The following CEP104 variants were observed in gnomAD, a reference collection of about 807,000 sequenced individuals.
CEP104 encodes the protein centrosomal protein 104.
In CEP104, 84 loss-of-function variants were observed where a neutral mutation model predicts 113.3. The observed-to-expected ratio is 0.74, with a 90% CI of 0.62 to 0.89. The LOEUF (loss-of-function observed/expected upper bound fraction) is 0.89, where lower values mean the gene tolerates loss of function less well. Among genes scored for constraint, CEP104 ranks in the 40% least tolerant of loss-of-function variants. CEP104 has a pLI of 0.00. For synonymous variants in CEP104, 378 were observed against 421.7 expected (o/e 0.90, Z 1.27); for missense variants, 1,053 against 1,156.6 (o/e 0.91, Z 1.30).
chr1:3,842,437 C>T (rs1449022684), intron 6 of CEP104, among the ~76,000 whole-genome samples: 1 of 152,204 alleles, frequency 6.6e-6, no homozygotes, highest in Non-Finnish European at 1.5e-5. Flanking sequence ...GAGCACTCCA[C>T]ACTCACAAGT....
intron 6 of CEP104, chr1:3,843,200 A>G (rs930984537): frequency 1.4e-6 from 1 of 712,976 alleles, no homozygotes; most frequent in Non-Finnish European, 2.6e-6. Flanking sequence ...TGTCATCCAC[A>G]GCAGGCAGGT....
chr1:3,830,780 A>C (rs955228300), intron 13 of CEP104, among the ~76,000 whole-genome samples: 1 of 149,224 alleles, frequency 6.7e-6, no homozygotes, highest in African/African-American at 2.5e-5. Flanking sequence ...CCATCTCAAA[A>C]AAAAAAAAAA....
At chr1:3,854,011 G>A (rs148518229) in intron 1 of CEP104, among the ~76,000 whole-genome samples, 2 of 152,294 alleles carry the variant, frequency 1.3e-5, no homozygotes, top group African/African-American at 4.8e-5. Context: ...CCTGCACTCT[G>A]GGCAACCTAT....
In CEP104 at chr1:3,844,897, G is replaced by T. The variant is rs777337248; in HGVS notation, c.566+10C>A. 5 of 1,608,812 alleles carry T rather than the reference G, an allele frequency of 3.1e-6. No individual in the cohort carries two copies. The South Asian group carries it at 4.4e-5, about 14-fold the overall frequency. On this transcript the variant is annotated intron_variant, in intron 6 of 21. Coordinates refer to ENST00000378230, the MANE Select transcript of CEP104 (RefSeq NM_014704.4). ...AAAAGAAGTTCATTGATGGGGAGCAGGACTCTTACCTGGCGTACGTTCCTT... is the reference window on the plus strand; with the variant it reads ...AAAAGAAGTTCATTGATGGGGAGCATGACTCTTACCTGGCGTACGTTCCTT...
chr1:3,828,027 G>A (rs1312969590), intron 15 of CEP104, among the ~76,000 whole-genome samples: 1 of 152,204 alleles, frequency 6.6e-6, no homozygotes, highest in African/African-American at 2.4e-5. Flanking sequence ...GGCGACCCCG[G>A]GACAGACAGT....
rs2124677793 is a variant in CEP104 at position 3,839,710 on chromosome 1, T to G, written c.633A>C (p.Ala211=). The change falls in exon 7 of 22, where the codon GCA becomes GCC. Residue 211 remains alanine (A), a synonymous_variant. Transcript: ENST00000378230. ...AFDMYQDPEV[A]QIIRKLDERK... is the part of the protein sequence containing the mutation. ...TTTCATCTAATTTTCGTATGATCTG[T>G]GCAACTTCTGGATCTTGGTACATAT... 1 of 1,614,120 alleles carries G rather than the reference T, an allele frequency of 6.2e-7. No individual in the cohort carries two copies. Among genetic ancestry groups the G allele is most frequent in the East Asian group, 2.2e-5 (1 of 44,884 alleles).
rs138757059 is a variant in CEP104, at chr1:3,839,642, T to C, written c.701A>G (p.Lys234Arg). 78 of 1,613,324 alleles carry C rather than the reference T, an allele frequency of 4.8e-5. 1 individual carries two copies. The East Asian group carries it at 1.6e-3, about 34-fold the overall frequency. Residue 234 changes from lysine to arginine, a missense_variant, in exon 7 of 22, where the codon AAG (lysine) becomes AGG (arginine). Coordinates refer to ENST00000378230, the MANE Select transcript of CEP104 (RefSeq NM_014704.4). ...ATCAGCAATGGCTTGTTTTAGTTTCTTGGCATAATCATAGCGTTCCTTTTG... is the reference window on the plus strand; with the variant it reads ...ATCAGCAATGGCTTGTTTTAGTTTCCTGGCATAATCATAGCGTTCCTTTTG... ...AVQKERYDYAKKLKQAIADLQ... is the reference protein window; with the variant it reads ...AVQKERYDYARKLKQAIADLQ...
At chr1:3,829,419 T>C (rs1369372451) in intron 14 of CEP104, 46 bp from the exon 15 acceptor site, 2 of 1,408,036 alleles carry the variant, frequency 1.4e-6, no homozygotes, top group Non-Finnish European at 2.0e-6. Context: ...GTTAGGGTAA[T>C]CTTAGAAACT....
At chr1:3,838,808 G>A (rs1210875800) in intron 8 of CEP104, among the ~76,000 whole-genome samples, 156 bp downstream of exon 8, 1 of 152,194 alleles carries the variant, frequency 6.6e-6, no homozygotes, top group African/African-American at 2.4e-5. Flanking sequence ...CCTCCCTGAC[G>A]TAGGCACAGA....
At chr1:3,856,200 G>A (rs1370124552) in intron 1 of CEP104, among the ~76,000 whole-genome samples, 1 of 152,190 alleles carries the variant, frequency 6.6e-6, no homozygotes, top group Non-Finnish European at 1.5e-5. Flanking sequence ...CTTGAGGTCA[G>A]GAGTTCGAGA....
intron 12 of CEP104, among the ~76,000 whole-genome samples, chr1:3,831,785 A>C (rs945451067): frequency 4.6e-5 from 7 of 152,250 alleles, no homozygotes; most frequent in African/African-American, 1.7e-4. Flanking sequence ...AAGATGTTGA[A>C]TCATTAAGTT....
At chr1:3,838,652 G>T (rs1333591244) in intron 8 of CEP104, among the ~76,000 whole-genome samples, 1 of 152,184 alleles carries the variant, frequency 6.6e-6, no homozygotes, top group Non-Finnish European at 1.5e-5. Flanking sequence ...AGTGGGGCAG[G>T]GTCATCACTG....
Position 3,823,545 on chromosome 1 carries a change from A to G in CEP104, c.2382T>C (p.Ser794=). 1 of 1,614,226 alleles carries G rather than the reference A, an allele frequency of 6.2e-7. No homozygotes were observed. Among genetic ancestry groups the G allele is most frequent in the Non-Finnish European group, 8.5e-7 (1 of 1,180,042 alleles). Residue 794 remains serine, a synonymous_variant, in exon 19 of 22, where the codon AGT becomes AGC. Transcript: ENST00000378230. This position sits in a 1 kb window ranked among gnomAD's most constrained non-coding sequence, Gnocchi z 4.1. The stretch of plus-strand genomic sequence containing the variant: ...ATTCCGTCAGCAAGTGCTCCGTCAG[A>G]CTGGATATCTCGACCACCTGGATTT... ...DHCKQVVEIS[S]LTEHLLTECD...
chr1:3,827,869 G>A (rs1015622764), intron 15 of CEP104, among the ~76,000 whole-genome samples: 3 of 152,220 alleles, frequency 2.0e-5, no homozygotes, highest in Admixed American at 1.3e-4. Flanking sequence ...CCAGCTCCAT[G>A]AGGGTGGGAC....
chr1:3,834,859 C>T, intron 11 of CEP104, 66 bp downstream of exon 11: 1 of 1,453,726 alleles, frequency 6.9e-7, no homozygotes, highest in Non-Finnish European at 9.3e-7. Context: ...CTGCTCTGGT[C>T]TTCTGTGGTA....
chr1:3,837,395 G>C lies in CEP104; in HGVS notation c.1016C>G (p.Pro339Arg), dbSNP rs779998680. ...TGATGAAGGCTTTTCCTGAAGGAAAGGTTCTGCAAACTGGTTTTCTGTTCC... is the reference window on the plus strand; with the variant it reads ...TGATGAAGGCTTTTCCTGAAGGAAACGTTCTGCAAACTGGTTTTCTGTTCC... The part of the protein sequence containing the change: ...ERGTENQFAE[P>R]FLQEKPSSYS... Residue 339 changes from proline to arginine, a missense_variant, in exon 9 of 22, where the codon CCT becomes CGT. Coordinates refer to ENST00000378230, the MANE Select transcript of CEP104 (RefSeq NM_014704.4). 3 of 1,614,236 alleles carry C rather than the reference G, an allele frequency of 1.9e-6. No individual in the cohort carries two copies. Among genetic ancestry groups the C allele is most frequent in the Non-Finnish European group, 1.7e-6 (2 of 1,180,034 alleles).
At chr1:3,852,914 CT>C (rs1163105069) in intron 1 of CEP104, among the ~76,000 whole-genome samples, 1 of 152,204 alleles carries the variant, frequency 6.6e-6, no homozygotes, top group African/African-American at 2.4e-5. Context: ...CCAAGGACGG[CT>C]GAGGATGGCC....
In CEP104 at chr1:3,831,201, C is replaced by T; in HGVS notation, c.1681G>A (p.Val561Ile). Residue 561 changes from valine (V) to isoleucine (I), a missense_variant, in exon 13 of 22, where the codon GTT becomes ATT. Val to Ile is a conservative substitution (Grantham distance 29). Coordinates refer to ENST00000378230, the MANE Select transcript of CEP104 (RefSeq NM_014704.4). ...GATGGAATAATTTGGAGAGACTTAA[C>T]TTCTTTAAACAAGGCCATTTCCTAT... The part of the protein sequence containing the change: ...FIQEMALFKE[V>I]KSLQIIPSYL... 6.2e-7 allele frequency: 1 copy of T among 1,613,430 alleles called. No individual in the cohort carries two copies. Among genetic ancestry groups the T allele is most frequent in the East Asian group, 2.2e-5 (1 of 44,876 alleles).
chr1:3,852,268 C>T (rs1644625321), intron 2 of CEP104, 27 bp downstream of exon 2: 2 of 1,598,622 alleles, frequency 1.3e-6, no homozygotes, highest in African/African-American at 1.3e-5. Flanking sequence ...GCCTCCCAGC[C>T]CAAGCCCCGC....
Sources: allele counts gnomAD v4.1 joint callset (sites outside exome capture counted in the v4.1 genomes callset), GRCh38; gene constraint gnomAD v4.1.1; non-coding constraint Gnocchi (gnomAD v3.1); transcripts MANE v1.5; gene names NCBI Gene and HGNC (gene_info 2026-07-23, HGNC 2026-07-21).